GNAQ: variants seen among roughly 807,000 people sequenced by gnomAD.
GNAQ encodes G protein subunit alpha q, also known as guanine nucleotide-binding protein G(q) subunit alpha.
GNAQ carries 8 observed loss-of-function variants against 43.9 expected under a neutral mutation model. That is an observed-to-expected ratio of 0.18 (90% CI 0.11 to 0.33). GNAQ has a LOEUF of 0.33. Ranked by LOEUF, GNAQ falls within the 10% of genes least tolerant of loss-of-function variation. GNAQ has a pLI of 1.00. For synonymous variants in GNAQ, 155 were observed against 170.7 expected (o/e 0.91, Z 0.71); for missense variants, 158 against 450.8 (o/e 0.35, Z 5.88).
intron 1 of GNAQ, among the ~76,000 whole-genome samples, chr9:78,026,270 T>C (rs1037639271): frequency 6.6e-6 from 1 of 152,200 alleles, no homozygotes; most frequent in South Asian, 2.1e-4. Flanking sequence ...GGACATTATA[T>C]GGAGATCCAG....
intron 1 of GNAQ, among the ~76,000 whole-genome samples, chr9:78,008,569 T>TATTTCATTTCATTTC (rs201289708): frequency 6.8e-4 from 100 of 146,966 alleles, no homozygotes; most frequent in East Asian, 8.0e-4. Flanking sequence ...ACTATCGATT[T>TATTTCATTTCATTTC]ATTTCATTTC....
At chr9:77,926,777 A>G (rs77509745) in intron 1 of GNAQ, among the ~76,000 whole-genome samples, 1,624 of 152,330 alleles carry the variant, frequency 0.011, 22 homozygotes, top group African/African-American at 0.036. Context: ...CCTTCAGGCA[A>G]GTACTCTGCC....
chr9:77,831,135 T>C (rs972334475), intron 2 of GNAQ, among the ~76,000 whole-genome samples: 3 of 152,224 alleles, frequency 2.0e-5, no homozygotes, highest in African/African-American at 7.2e-5. Context: ...TGGTTTTCTT[T>C]TATTTATGAG....
intron 1 of GNAQ, among the ~76,000 whole-genome samples, chr9:77,977,590 G>C (rs999915452): frequency 9.9e-5 from 15 of 152,146 alleles, no homozygotes; most frequent in Admixed American, 5.2e-4. Flanking sequence ...CCTCAGACTA[G>C]AGAAAACAAA....
At chr9:77,877,609 C>A (rs1828144662) in intron 2 of GNAQ, among the ~76,000 whole-genome samples, 1 of 152,100 alleles carries the variant, frequency 6.6e-6, no homozygotes, top group Non-Finnish European at 1.5e-5. Flanking sequence ...AAAACAATTA[C>A]CGTAACCTAC....
chr9:77,825,453 C>T (rs1444476043), intron 2 of GNAQ, among the ~76,000 whole-genome samples: 1 of 152,154 alleles, frequency 6.6e-6, no homozygotes, highest in Non-Finnish European at 1.5e-5. Context: ...CATAGCATGA[C>T]TAGCTGATTC....
chr9:77,911,375 G>C (rs934367125), intron 2 of GNAQ, among the ~76,000 whole-genome samples: 3 of 152,156 alleles, frequency 2.0e-5, no homozygotes, highest in African/African-American at 7.2e-5. Flanking sequence ...GTGTGTATGT[G>C]GATACATGTT....
intron 2 of GNAQ, among the ~76,000 whole-genome samples, chr9:77,856,302 C>A (rs1827753383): frequency 6.6e-6 from 1 of 151,998 alleles, no homozygotes; most frequent in African/African-American, 2.4e-5. Flanking sequence ...TGCAATACCC[C>A]AGAGCAGGGG....
chr9:77,743,881 CAAAGT>C (rs1438610459), intron 5 of GNAQ, among the ~76,000 whole-genome samples: 1 of 152,102 alleles, frequency 6.6e-6, no homozygotes, highest in Non-Finnish European at 1.5e-5. Flanking sequence ...GTCAGAAACT[CAAAGT>C]AGAAGGAATT....
At chr9:77,769,063 C>T (rs577997927) in intron 5 of GNAQ, among the ~76,000 whole-genome samples, 1 of 151,806 alleles carries the variant, frequency 6.6e-6, no homozygotes, top group East Asian at 1.9e-4. Flanking sequence ...CTCCTTGAAC[C>T]CCACTGAAGT....
chr9:77,829,409 T>C (rs764369566), intron 2 of GNAQ, among the ~76,000 whole-genome samples: 6 of 152,132 alleles, frequency 3.9e-5, no homozygotes, highest in East Asian at 1.9e-4. Flanking sequence ...CATCTTGCAA[T>C]GAGGAGCCCA....
intron 2 of GNAQ, among the ~76,000 whole-genome samples, chr9:77,900,343 A>C (rs891952908): frequency 2.0e-5 from 3 of 152,174 alleles, no homozygotes; most frequent in Non-Finnish European, 2.9e-5. Flanking sequence ...ACTGCAATAG[A>C]AGCTTATTGC....
chr9:77,959,017 T>C (rs117582007), intron 1 of GNAQ, among the ~76,000 whole-genome samples: 57 of 152,324 alleles, frequency 3.7e-4, no homozygotes, highest in South Asian at 6.2e-4. Flanking sequence ...TTATTGTGCA[T>C]ATAAGCCTCA....
chr9:77,951,994 G>A (rs534543443), intron 1 of GNAQ, among the ~76,000 whole-genome samples: 88 of 152,266 alleles, frequency 5.8e-4, no homozygotes, highest in African/African-American at 1.1e-3. Flanking sequence ...CCCTCATTCC[G>A]TCTAGCTTCA....
chr9:77,905,016 A>C (rs947832553), intron 2 of GNAQ, among the ~76,000 whole-genome samples: 3 of 152,180 alleles, frequency 2.0e-5, no homozygotes, highest in African/African-American at 7.2e-5. Context: ...CTCCCTCCCA[A>C]AATGACTTTT....
intron 2 of GNAQ, among the ~76,000 whole-genome samples, chr9:77,896,500 A>C (rs990790530): frequency 6.6e-6 from 1 of 152,208 alleles, no homozygotes; most frequent in Admixed American, 6.5e-5. Context: ...AATATGCAGC[A>C]ATAAAATAAA....
At chr9:78,004,387 C>A (rs1823680713) in intron 1 of GNAQ, among the ~76,000 whole-genome samples, 1 of 152,096 alleles carries the variant, frequency 6.6e-6, no homozygotes. Context: ...TGGACCCATG[C>A]CAACAGCATC....
intron 3 of GNAQ, among the ~76,000 whole-genome samples, chr9:77,800,982 T>C (rs1826735838): frequency 6.6e-6 from 1 of 152,218 alleles, no homozygotes; most frequent in African/African-American, 2.4e-5. Flanking sequence ...ACTCGCTTAA[T>C]GCCGTACACA....
chr9:77,765,983 A>G (rs1472569758), intron 5 of GNAQ, among the ~76,000 whole-genome samples: 3 of 152,250 alleles, frequency 2.0e-5, no homozygotes, highest in African/African-American at 7.2e-5. Flanking sequence ...AGCCAGTCAA[A>G]AAAAGAACAA....
Sources: gnomAD v4.1 joint callset for allele counts (sites outside exome capture counted in the v4.1 genomes callset) on GRCh38, gnomAD v4.1.1 for gene constraint, MANE v1.5 for transcripts, NCBI Gene and HGNC (gene_info 2026-07-23, HGNC 2026-07-21) for gene names.